The following COL25A1 variants were observed in gnomAD, a reference collection of about 807,000 sequenced individuals.
The protein encoded by COL25A1 is collagen type XXV alpha 1 chain.
A neutral mutation model predicts 128.4 loss-of-function variants in COL25A1; 103 were observed. The observed-to-expected ratio is 0.80, with a 90% confidence interval of 0.68 to 0.94. The LOEUF (loss-of-function observed/expected upper bound fraction) is 0.94, where lower values mean the gene tolerates loss of function less well. COL25A1 is among the 40% of genes least tolerant of loss of function. The pLI is 0.00. For synonymous variants in COL25A1, 279 were observed against 277.2 expected (o/e 1.01, Z -0.06); for missense variants, 745 against 840.0 (o/e 0.89, Z 1.40).
intron 19 of COL25A1, among the ~76,000 whole-genome samples, chr4:108,871,344 G>A (rs1375243664): frequency 1.3e-5 from 2 of 152,054 alleles, no homozygotes; most frequent in Non-Finnish European, 2.9e-5. Context: ...TTTTGAGACG[G>A]AGTCTCAGTC....
rs1158184110 is a variant in COL25A1, at chr4:108,835,861, C to CTTTTTTTTTTTT, written c.1657-3440_1657-3429dup. ...GCCACAGTGCCCGGCTTACATACGTCTTTTTTTTTTTTTTTTTTTTTTTTT... is the reference window on the plus strand; with the variant it reads ...GCCACAGTGCCCGGCTTACATACGTCTTTTTTTTTTTTTTTTTTTTTTTTTTTTTTTTTTTTT... On this transcript the variant is annotated intron_variant, in intron 31 of 37. Coordinates refer to ENST00000399132, the MANE Select transcript of COL25A1 (RefSeq NM_198721.4). Among the ~76,000 whole-genome samples the CTTTTTTTTTTTT allele has an allele frequency of 9.4e-4, 43 of 45,720 alleles. 2 individuals carry two copies. The highest frequency in any genetic ancestry group is 3.8e-3 in the East Asian group (5 of 1,312). 30.0% of individuals were successfully genotyped at this position (45,720 alleles called of 152,430 possible). A position where few individuals can be genotyped will look rare whatever the true frequency, so the allele number is the denominator to read the frequency against.
At chr4:109,267,719 C>G (rs937477389) in intron 3 of COL25A1, among the ~76,000 whole-genome samples, 1 of 152,046 alleles carries the variant, frequency 6.6e-6, no homozygotes, top group Non-Finnish European at 1.5e-5. Context: ...CACTCTGGAG[C>G]ATTTCAGATT....
intron 3 of COL25A1, among the ~76,000 whole-genome samples, chr4:109,151,519 A>T (rs548986390): frequency 1.5e-4 from 23 of 152,166 alleles, no homozygotes; most frequent in South Asian, 8.3e-4. Flanking sequence ...CCTTATTTTT[A>T]AAAAAAATTC....
At chr4:108,919,564 C>G (rs1479179317) in intron 12 of COL25A1, among the ~76,000 whole-genome samples, 1 of 152,026 alleles carries the variant, frequency 6.6e-6, no homozygotes, top group African/African-American at 2.4e-5. Flanking sequence ...ACTTTTCCAC[C>G]TGTTATAATA....
intron 33 of COL25A1, 121 bp from the exon 34 acceptor site, chr4:108,825,343 A>G (rs1163705370): frequency 4.2e-5 from 33 of 791,234 alleles, no homozygotes; most frequent in Non-Finnish European, 6.8e-5. Context: ...AGAAATGTGA[A>G]AAAGATTCTC....
chr4:108,909,353 A>C (rs759599695), intron 13 of COL25A1, among the ~76,000 whole-genome samples: 2 of 152,232 alleles, frequency 1.3e-5, no homozygotes, highest in Non-Finnish European at 2.9e-5. Context: ...CAAGTATATC[A>C]GCCAGGAACT....
intron 3 of COL25A1, among the ~76,000 whole-genome samples, chr4:109,060,541 T>C (rs1443981414): frequency 1.3e-5 from 2 of 152,162 alleles, no homozygotes; most frequent in African/African-American, 2.4e-5. Flanking sequence ...TTTACATACA[T>C]GTCTGGCACA....
chr4:108,880,416 T>C (rs1739981705), intron 19 of COL25A1, among the ~76,000 whole-genome samples: 1 of 152,200 alleles, frequency 6.6e-6, no homozygotes. Flanking sequence ...GAATTTATAT[T>C]TACTAACCTA....
At chr4:109,193,265 G>T (rs1775768477) in intron 3 of COL25A1, among the ~76,000 whole-genome samples, 1 of 151,860 alleles carries the variant, frequency 6.6e-6, no homozygotes, top group Non-Finnish European at 1.5e-5. Flanking sequence ...CCAACTAGAA[G>T]AAGCTGGTTT....
intron 3 of COL25A1, among the ~76,000 whole-genome samples, chr4:109,052,494 G>A (rs954423102): frequency 2.5e-4 from 38 of 152,098 alleles, no homozygotes; most frequent in African/African-American, 7.0e-4. Flanking sequence ...TGAGAAGATG[G>A]AATCTAAACT....
chr4:108,829,431 CTATCATCT>C (rs1473092977), intron 32 of COL25A1, among the ~76,000 whole-genome samples: 37 of 150,236 alleles, frequency 2.5e-4, no homozygotes, highest in Non-Finnish European at 3.3e-4. Flanking sequence ...ATCTATCTAT[CTATCATCT>C]ATCTATCTGT....
intron 3 of COL25A1, among the ~76,000 whole-genome samples, chr4:109,208,188 T>C (rs1048725606): frequency 3.9e-5 from 6 of 152,226 alleles, no homozygotes; most frequent in Non-Finnish European, 8.8e-5. Context: ...GCATTTTATC[T>C]ACCATGCATC....
At chr4:108,953,261 T>C (rs1749672085) in intron 8 of COL25A1, among the ~76,000 whole-genome samples, 1 of 152,188 alleles carries the variant, frequency 6.6e-6, no homozygotes, top group African/African-American at 2.4e-5. Flanking sequence ...GGTACCTTTC[T>C]GTACTAGTTC....
intron 3 of COL25A1, among the ~76,000 whole-genome samples, chr4:109,252,491 C>A (rs1023062311): frequency 1.3e-5 from 2 of 152,150 alleles, no homozygotes; most frequent in African/African-American, 4.8e-5. Flanking sequence ...AAAATGTCAC[C>A]CTACCTACTT....
At chr4:109,054,094 A>T (rs1470976911) in intron 3 of COL25A1, among the ~76,000 whole-genome samples, 1 of 152,244 alleles carries the variant, frequency 6.6e-6, no homozygotes, top group East Asian at 1.9e-4. Flanking sequence ...CTAGGTGTTC[A>T]ATAAACATTA....
chr4:109,190,908 G>A (rs1775551808), intron 3 of COL25A1, among the ~76,000 whole-genome samples: 2 of 152,156 alleles, frequency 1.3e-5, no homozygotes, highest in African/African-American at 4.8e-5. Context: ...TTTCACATAA[G>A]GAGGGAAAAT....
At chr4:108,905,296 A>T (rs546488540) in intron 13 of COL25A1, among the ~76,000 whole-genome samples, 1 of 152,104 alleles carries the variant, frequency 6.6e-6, no homozygotes, top group Non-Finnish European at 1.5e-5. Flanking sequence ...AATTTTAAAG[A>T]TTTAGTAGGA....
At chr4:109,061,057 T>C (rs1658784999) in intron 3 of COL25A1, among the ~76,000 whole-genome samples, 1 of 152,190 alleles carries the variant, frequency 6.6e-6, no homozygotes, top group Non-Finnish European at 1.5e-5. Flanking sequence ...AGTGAGGAAG[T>C]ACTTACACAT....
intron 3 of COL25A1, among the ~76,000 whole-genome samples, chr4:109,131,562 G>A (rs776234336): frequency 5.3e-5 from 8 of 152,178 alleles, no homozygotes; most frequent in Non-Finnish European, 1.2e-4. Flanking sequence ...ACGGTGAGGG[G>A]GAGTTCATGA....
Sources: allele counts gnomAD v4.1 joint callset (sites outside exome capture counted in the v4.1 genomes callset), GRCh38; gene constraint gnomAD v4.1.1; transcripts MANE v1.5; gene names NCBI Gene and HGNC (gene_info 2026-07-23, HGNC 2026-07-21).